Variants in BORCS5 observed in about 807,000 individuals in gnomAD.
BORCS5 encodes the protein BLOC-1 related complex subunit 5.
BORCS5 carries 17 observed loss-of-function variants against 22.1 expected under a neutral mutation model. The ratio of observed to expected loss-of-function variants is 0.77; its 90% CI spans 0.53 to 1.15. The LOEUF is 1.15. Ranked by LOEUF, BORCS5 falls within the 50% of genes most tolerant of loss-of-function variation. The probability of loss-of-function intolerance (pLI) is 0.00; values close to 1 mark genes in which losing one functional copy is unlikely to be tolerated. For missense variants in BORCS5, 247 were observed against 253.2 expected (o/e 0.98, Z 0.17); for synonymous variants, 117 against 99.8 (o/e 1.17, Z -1.03).
chr12:12,406,881 A>C (rs1335583724), intron 2 of BORCS5, among the ~76,000 whole-genome samples: 1 of 152,052 alleles, frequency 6.6e-6, no homozygotes, highest in African/African-American at 2.4e-5. Flanking sequence ...TGCTGCAGCC[A>C]TCCATCCTGC....
At chr12:12,367,879 C>A (rs1386729009) in intron 2 of BORCS5, among the ~76,000 whole-genome samples, 1 of 152,208 alleles carries the variant, frequency 6.6e-6, no homozygotes, top group Non-Finnish European at 1.5e-5. Flanking sequence ...TCGCAACTAG[C>A]TTAGTGGACC....
chr12:12,419,359 G>T (rs11829916), intron 2 of BORCS5, among the ~76,000 whole-genome samples: 46,079 of 151,958 alleles, frequency 0.3, 8,259 homozygotes, highest in African/African-American at 0.51. Flanking sequence ...CCATGTCCCT[G>T]CAAAGGACAT....
intron 3 of BORCS5, among the ~76,000 whole-genome samples, chr12:12,438,973 C>T (rs1008135853): frequency 1.3e-5 from 2 of 152,176 alleles, no homozygotes; most frequent in Non-Finnish European, 1.5e-5. Context: ...ACATAACCTT[C>T]GTACAATGAT....
At chr12:12,440,275 C>T (rs183762787) in intron 3 of BORCS5, among the ~76,000 whole-genome samples, 97 of 152,188 alleles carry the variant, frequency 6.4e-4, no homozygotes, top group African/African-American at 2.3e-3. Context: ...GGGAGAAGAA[C>T]GGAGGTAATT....
chr12:12,449,533 A>G (rs1942863969), intron 3 of BORCS5, among the ~76,000 whole-genome samples: 2 of 152,240 alleles, frequency 1.3e-5, no homozygotes, highest in Non-Finnish European at 2.9e-5. Context: ...ACGTGATGCC[A>G]AGGGTAAGAA....
chr12:12,420,054 A>G (rs1592109823), intron 2 of BORCS5, among the ~76,000 whole-genome samples: 1 of 151,616 alleles, frequency 6.6e-6, no homozygotes, highest in East Asian at 1.9e-4. Flanking sequence ...GTTTAATTAG[A>G]TCCCATTTGT....
chr12:12,452,025 G>T, intron 3 of BORCS5: 1 of 344,324 alleles, frequency 2.9e-6, no homozygotes. Context: ...AGCAAAACTT[G>T]ACTGTCCTCC....
At chr12:12,449,593 A>G (rs1018633773) in intron 3 of BORCS5, among the ~76,000 whole-genome samples, 4 of 152,352 alleles carry the variant, frequency 2.6e-5, no homozygotes, top group East Asian at 3.9e-4. Context: ...GAACAGTCAT[A>G]CAATTCAAAT....
chr12:12,359,044 AGATT>A (rs1863214984), intron 1 of BORCS5, among the ~76,000 whole-genome samples: 1 of 152,184 alleles, frequency 6.6e-6, no homozygotes, highest in Non-Finnish European at 1.5e-5. Context: ...AACACTTTAA[AGATT>A]CATTCTTGTC....
chr12:12,404,212 G>T (rs1011380556), intron 2 of BORCS5, among the ~76,000 whole-genome samples: 6 of 152,152 alleles, frequency 3.9e-5, no homozygotes, highest in Admixed American at 6.5e-5. Flanking sequence ...TGAAATGGAG[G>T]AACTAGGCAC....
intron 2 of BORCS5, among the ~76,000 whole-genome samples, chr12:12,379,400 C>T (rs1033069930): frequency 4.6e-5 from 7 of 151,492 alleles, no homozygotes; most frequent in African/African-American, 1.7e-4. Flanking sequence ...CAGGCATGGG[C>T]CACCACACCT....
intron 3 of BORCS5, among the ~76,000 whole-genome samples, chr12:12,450,518 T>A (rs1426186961): frequency 6.6e-6 from 1 of 152,228 alleles, no homozygotes; most frequent in Non-Finnish European, 1.5e-5. Flanking sequence ...TTATTTTTTT[T>A]ATTAGAAAAG....
chr12:12,426,450 C>T (rs1166721390), intron 2 of BORCS5, among the ~76,000 whole-genome samples: 2 of 152,172 alleles, frequency 1.3e-5, no homozygotes, highest in Admixed American at 1.3e-4. Context: ...TGAGGTGTGT[C>T]GTTTGTGGAT....
At chr12:12,444,643 C>T (rs1942748149) in intron 3 of BORCS5, among the ~76,000 whole-genome samples, 1 of 152,168 alleles carries the variant, frequency 6.6e-6, no homozygotes, top group Admixed American at 6.5e-5. Context: ...AATGCATCTG[C>T]AGCCCAGCTT....
intron 2 of BORCS5, among the ~76,000 whole-genome samples, chr12:12,430,604 T>G (rs1330204974): frequency 6.6e-6 from 1 of 152,092 alleles, no homozygotes; most frequent in Admixed American, 6.5e-5. Context: ...CCTCAGCTTT[T>G]TGTTAAAATG....
At chr12:12,365,403 C>T (rs984936672) in intron 2 of BORCS5, among the ~76,000 whole-genome samples, 4 of 150,702 alleles carry the variant, frequency 2.7e-5, no homozygotes, top group Non-Finnish European at 5.9e-5. Flanking sequence ...TGGTCTTGAG[C>T]TCCTGGACTC....
intron 3 of BORCS5, among the ~76,000 whole-genome samples, chr12:12,450,262 A>C (rs1206669424): frequency 3.3e-5 from 5 of 152,172 alleles, no homozygotes; most frequent in Non-Finnish European, 7.4e-5. Context: ...CTTCATCTGT[A>C]AAAGGAGGGG....
intron 2 of BORCS5, among the ~76,000 whole-genome samples, chr12:12,425,915 CT>C: frequency 6.6e-6 from 1 of 152,290 alleles, no homozygotes; most frequent in South Asian, 2.1e-4. Context: ...TGACTGGGGA[CT>C]TTGAGACAGT....
chr12:12,361,201 T>G lies in BORCS5; in HGVS notation c.59-5T>G. 1 of 1,613,222 alleles carries G rather than the reference T, an allele frequency of 6.2e-7. No individual in the cohort carries two copies. The highest frequency in any genetic ancestry group is 8.5e-7 in the Non-Finnish European group (1 of 1,179,252). On this transcript the variant is annotated splice_polypyrimidine_tract_variant and splice_region_variant and intron_variant, in intron 1 of 3. Coordinates refer to ENST00000314565, the MANE Select transcript of BORCS5 (RefSeq NM_058169.6). Reference sequence around the variant, plus strand: ...ATCTCCTAAGCAGTGTAACTTTATTTTCAGTGACTCCTTCACCAGCCAAGC... The same window carrying G: ...ATCTCCTAAGCAGTGTAACTTTATTGTCAGTGACTCCTTCACCAGCCAAGC...
Sources: allele counts gnomAD v4.1 joint callset (sites outside exome capture counted in the v4.1 genomes callset), GRCh38; gene constraint gnomAD v4.1.1; transcripts MANE v1.5; gene names NCBI Gene and HGNC (gene_info 2026-07-23, HGNC 2026-07-21).